Variants in NLGN4X observed in about 807,000 individuals in gnomAD.
The protein encoded by NLGN4X is neuroligin 4 X-linked.
NLGN4X carries 3 observed loss-of-function variants against 40.3 expected under a neutral mutation model. That is an observed-to-expected ratio of 0.07 (90% CI 0.03 to 0.19). The LOEUF (loss-of-function observed/expected upper bound fraction) is 0.19, where lower values mean the gene tolerates loss of function less well. Ranked by LOEUF, NLGN4X falls within the 10% of genes least tolerant of loss-of-function variation. The pLI is 1.00. For missense variants in NLGN4X, 382 were observed against 708.3 expected, an observed-to-expected ratio of 0.54 and a Z score of 5.23; for synonymous variants, 270 against 306.8, an observed-to-expected ratio of 0.88 and a Z score of 1.25.
At chrX:5,945,980 T>A (rs1221796312) in intron 3 of NLGN4X, among the ~76,000 whole-genome samples, 3 of 111,750 alleles carry the variant, frequency 2.7e-5, no homozygotes, top group Non-Finnish European at 5.6e-5. Context: ...GGTTTATTTC[T>A]TCCAATGATC....
chrX:6,211,598 A>G (rs1420674770), intron 1 of NLGN4X, among the ~76,000 whole-genome samples: 1 of 111,890 alleles, frequency 8.9e-6, no homozygotes, highest in African/African-American at 3.2e-5. Context: ...AGATACAAAA[A>G]TAGATATGAT....
intron 1 of NLGN4X, among the ~76,000 whole-genome samples, chrX:6,171,774 T>A (rs895601668): frequency 8.9e-6 from 1 of 112,056 alleles, no homozygotes; most frequent in Non-Finnish European, 1.9e-5. Context: ...GCCTCTGATA[T>A]GATTTGGATC....
At chrX:5,904,288 C>T (rs2032063687) in intron 4 of NLGN4X, among the ~76,000 whole-genome samples, 1 of 111,679 alleles carries the variant, frequency 9.0e-6, no homozygotes, top group South Asian at 3.7e-4. Flanking sequence ...AGTTCAAAGG[C>T]CCTCTTGTCT....
chrX:6,217,483 T>C (rs1193860501), intron 1 of NLGN4X, among the ~76,000 whole-genome samples: 1 of 111,018 alleles, frequency 9.0e-6, no homozygotes, highest in Non-Finnish European at 1.9e-5. Context: ...GGTGAAATTG[T>C]CATGACAGAC....
intron 2 of NLGN4X, among the ~76,000 whole-genome samples, chrX:6,109,916 T>C (rs1168696502): frequency 3.6e-5 from 4 of 111,020 alleles, no homozygotes; most frequent in African/African-American, 1.3e-4. Context: ...AGGGAGGGTT[T>C]CAGAAATAAG....
intron 3 of NLGN4X, among the ~76,000 whole-genome samples, chrX:5,989,035 T>C (rs990574305): frequency 9.4e-6 from 1 of 106,614 alleles, no homozygotes; most frequent in Non-Finnish European, 1.9e-5. Flanking sequence ...GCCACTGCAC[T>C]CCAGCTTGGG....
At chrX:5,926,771 T>G (rs2033333911) in intron 3 of NLGN4X, among the ~76,000 whole-genome samples, 1 of 97,554 alleles carries the variant, frequency 1.0e-5, no homozygotes, top group African/African-American at 3.7e-5. Context: ...GAGAGATATA[T>G]TCTACCTCTA....
chrX:5,917,630 A>G, intron 3 of NLGN4X, among the ~76,000 whole-genome samples: 1 of 112,248 alleles, frequency 8.9e-6, no homozygotes, highest in Non-Finnish European at 1.9e-5. Context: ...TGGACAATGC[A>G]CAAGAAACAG....
intron 3 of NLGN4X, among the ~76,000 whole-genome samples, chrX:5,915,821 G>A (rs2032764695): frequency 8.9e-6 from 1 of 112,255 alleles, no homozygotes; most frequent in Non-Finnish European, 1.9e-5. Context: ...GATTACAGGT[G>A]TGAACCACCA....
chrX:5,892,545 T>G lies in NLGN4X; in HGVS notation c.*272A>C. The G allele has an allele frequency of 2.8e-6, 1 of 361,555 alleles. No homozygotes were observed. Among genetic ancestry groups the G allele is most frequent in the Non-Finnish European group, 4.9e-6 (1 of 204,556 alleles). The allele number at this position is 361,555 out of a possible 1,213,427, so 29.8% of individuals were successfully genotyped here. On this transcript the variant is annotated 3_prime_UTR_variant, in exon 6 of 6. Transcript: ENST00000381095. ...TCACACTAAACATCGATTGGAGTGGTAGAGATCTTAAAGCAGTTATTTTAA... is the reference window on the plus strand; with the variant it reads ...TCACACTAAACATCGATTGGAGTGGGAGAGATCTTAAAGCAGTTATTTTAA...
intron 3 of NLGN4X, among the ~76,000 whole-genome samples, chrX:5,958,860 C>A (rs1601951402): frequency 8.9e-6 from 1 of 112,396 alleles, no homozygotes; most frequent in East Asian, 2.8e-4. Flanking sequence ...GCCCGTGGGG[C>A]TCCCCTAGGT....
chrX:6,225,681 CTTTTTTTCTTTTTTTTTTTTTTTTTTTT>C (rs1926177163), intron 1 of NLGN4X, among the ~76,000 whole-genome samples: 1 of 33,810 alleles, frequency 3.0e-5, no homozygotes, highest in Admixed American at 4.3e-4. Context: ...TTTTTTCTTT[CTTTTTTTCTTTTTTTTTTTTTTTTTTTT>C]TTTTTTTTTT....
In NLGN4X at chrX:5,908,677, G is replaced by A. The variant is rs956813151; in HGVS notation, c.811+377C>T. The stretch of plus-strand genomic sequence containing the variant: ...TCATCCCAGCACTTTGAGAGGCCAA[G>A]GCAGGAGGATCGCTTGAGTCCTGGA... On this transcript the variant is annotated intron_variant, in intron 4 of 5. Transcript: ENST00000381095. Among the ~76,000 whole-genome samples, 6 of 112,072 alleles carry A rather than the reference G, an allele frequency of 5.4e-5. No individual in the cohort carries two copies. The East Asian group carries it at 1.7e-3, about 32-fold the overall frequency.
At chrX:6,030,721 C>A (rs1300290066) in intron 2 of NLGN4X, among the ~76,000 whole-genome samples, 1 of 111,343 alleles carries the variant, frequency 9.0e-6, no homozygotes, top group Admixed American at 9.6e-5. Flanking sequence ...ATTTAATCCA[C>A]GGCAGAAAAG....
chrX:6,062,240 C>T (rs1476184676), intron 2 of NLGN4X, among the ~76,000 whole-genome samples: 2 of 111,541 alleles, frequency 1.8e-5, no homozygotes, highest in African/African-American at 6.5e-5. Context: ...CCTTCGATCT[C>T]CCACACTCCA....
chrX:5,952,502 G>A (rs1055902407), intron 3 of NLGN4X, among the ~76,000 whole-genome samples: 2 of 109,824 alleles, frequency 1.8e-5, no homozygotes, highest in African/African-American at 6.6e-5. Flanking sequence ...CTGTGAATAG[G>A]TCTCGGTGAG....
chrX:5,909,407 A>C (rs2032367292), intron 3 of NLGN4X, among the ~76,000 whole-genome samples, 168 bp from the exon 4 acceptor site: 1 of 111,524 alleles, frequency 9.0e-6, no homozygotes, highest in South Asian at 3.8e-4. Context: ...TGGCAGAAAT[A>C]ATTATATAAA....
intron 3 of NLGN4X, among the ~76,000 whole-genome samples, chrX:5,923,299 C>A (rs1287221230): frequency 3.6e-5 from 4 of 111,929 alleles, no homozygotes; most frequent in Admixed American, 1.9e-4. Flanking sequence ...TGCCACTGCA[C>A]CCAGCTAATT....
intron 2 of NLGN4X, among the ~76,000 whole-genome samples, chrX:6,041,298 T>C (rs992200374): frequency 9.0e-6 from 1 of 111,533 alleles, no homozygotes; most frequent in African/African-American, 3.3e-5. Flanking sequence ...ATAACCTAAA[T>C]AGAGGTTGTT....
Sources: gnomAD v4.1 joint callset for allele counts (sites outside exome capture counted in the v4.1 genomes callset) on GRCh38, gnomAD v4.1.1 for gene constraint, MANE v1.5 for transcripts, NCBI Gene and HGNC (gene_info 2026-07-23, HGNC 2026-07-21) for gene names.